The following ST7 variants were observed in gnomAD, a reference collection of about 807,000 sequenced individuals.
ST7 encodes the protein suppression of tumorigenicity 7, also known as suppressor of tumorigenicity 7 protein.
A neutral mutation model predicts 78.7 loss-of-function variants in ST7; 28 were observed. That is an observed-to-expected ratio of 0.36 (90% CI 0.26 to 0.49). The LOEUF (loss-of-function observed/expected upper bound fraction) is 0.49, where lower values mean the gene tolerates loss of function less well. ST7 is among the 20% of genes least tolerant of loss of function. The pLI, the probability that ST7 is intolerant of heterozygous loss-of-function variation, is 0.99. For synonymous variants in ST7, 247 were observed against 249.6 expected, an observed-to-expected ratio of 0.99 and a Z score of 0.10; for missense variants, 418 against 696.0, an observed-to-expected ratio of 0.60 and a Z score of 4.49.
intron 1 of ST7, among the ~76,000 whole-genome samples, chr7:117,015,266 AACT>A (rs1169097438): frequency 6.6e-6 from 1 of 152,152 alleles, no homozygotes; most frequent in Non-Finnish European, 1.5e-5. Context: ...AATGGACTTA[AACT>A]CCAACCCATA....
chr7:117,139,624 T>A (rs1434643046), intron 9 of ST7, among the ~76,000 whole-genome samples: 1 of 152,142 alleles, frequency 6.6e-6, no homozygotes, highest in Non-Finnish European at 1.5e-5. Context: ...GGCCACTCCA[T>A]TAGGCAACAG....
In ST7 at chr7:117,130,355, A is replaced by T. The variant is rs1054742039; in HGVS notation, c.450-136A>T. On this transcript the variant is annotated intron_variant, in intron 4 of 15. Transcript: ENST00000323984. ...AGGGAGAATAAGATGATTTTTAAAA[A>T]TTTTTTTTATTCATTAGCAAAGCTA... 171 of 507,152 alleles carry T rather than the reference A, an allele frequency of 3.4e-4. 2 individuals are homozygous for T. Among genetic ancestry groups the T allele is most frequent in the East Asian group, 1.1e-3 (34 of 29,724 alleles). The allele number at this position is 507,152 out of a possible 1,614,324, so 31.4% of individuals were successfully genotyped here. A position where few individuals can be genotyped will look rare whatever the true frequency, so the allele number is the denominator to read the frequency against.
intron 1 of ST7, chr7:116,959,865 A>C (rs1006148349): frequency 6.6e-6 from 1 of 152,296 alleles, no homozygotes; most frequent in Non-Finnish European, 1.5e-5. Flanking sequence ...ATGGCTTTAC[A>C]TTCATTAAGT....
intron 1 of ST7, among the ~76,000 whole-genome samples, chr7:117,099,066 C>CAAAAAAAAAAAAAAAAAAAAAA (rs55999217): frequency 1.1e-5 from 1 of 94,604 alleles, no homozygotes; most frequent in Non-Finnish European, 2.0e-5. Context: ...AAAAAAAAAA[C>CAAAAAAAAAAAAAAAAAAAAAA]AAAAAAAAAA....
chr7:117,062,435 T>G (rs1798409596), intron 1 of ST7, among the ~76,000 whole-genome samples: 1 of 152,222 alleles, frequency 6.6e-6, no homozygotes. Context: ...GAGTCAGTAT[T>G]GTTTGATTAA....
chr7:117,168,179 A>G (rs960572671), intron 9 of ST7, among the ~76,000 whole-genome samples: 2 of 152,142 alleles, frequency 1.3e-5, no homozygotes, highest in Non-Finnish European at 2.9e-5. Flanking sequence ...GACACAGTAT[A>G]CTCTGTCCAA....
At chr7:117,019,598 A>T (rs1795779170) in intron 1 of ST7, among the ~76,000 whole-genome samples, 1 of 152,268 alleles carries the variant, frequency 6.6e-6, no homozygotes, top group Admixed American at 6.5e-5. Context: ...ATATATTCCT[A>T]GAGCAGCGTT....
intron 1 of ST7, among the ~76,000 whole-genome samples, chr7:117,080,108 G>A (rs1006952482): frequency 2.7e-5 from 4 of 147,370 alleles, no homozygotes; most frequent in African/African-American, 9.9e-5. Context: ...AGCCTCCCAA[G>A]TAGCTGGGAC....
chr7:117,090,726 G>A (rs898722282), intron 1 of ST7: 4 of 167,004 alleles, frequency 2.4e-5, no homozygotes, highest in African/African-American at 9.7e-5. Flanking sequence ...ACTTACTTAG[G>A]TCTTTCCTCT....
intron 9 of ST7, among the ~76,000 whole-genome samples, chr7:117,159,365 C>T (rs1806949715): frequency 6.6e-6 from 1 of 152,244 alleles, no homozygotes. Flanking sequence ...ATGTTCTTCC[C>T]CATAGGTATT....
intron 1 of ST7, among the ~76,000 whole-genome samples, chr7:117,036,470 T>C (rs1373943143): frequency 6.6e-6 from 1 of 152,240 alleles, no homozygotes; most frequent in East Asian, 1.9e-4. Flanking sequence ...TTTAGCTGAC[T>C]GGGCTTTTAT....
chr7:117,036,191 TA>T (rs1280651100), intron 1 of ST7, among the ~76,000 whole-genome samples: 4 of 152,242 alleles, frequency 2.6e-5, no homozygotes, highest in Admixed American at 6.5e-5. Flanking sequence ...TCCTGTGTTT[TA>T]TTGGAACTCT....
intron 1 of ST7, among the ~76,000 whole-genome samples, chr7:116,991,962 G>T (rs1794452176): frequency 1.3e-5 from 2 of 152,146 alleles, no homozygotes; most frequent in South Asian, 4.1e-4. Flanking sequence ...AAATTTTAAA[G>T]CTCCAAAATG....
chr7:117,178,910 A>G (rs1286268965), intron 10 of ST7, among the ~76,000 whole-genome samples: 1 of 152,176 alleles, frequency 6.6e-6, no homozygotes, highest in Non-Finnish European at 1.5e-5. Flanking sequence ...TCTCCCTAAG[A>G]TGACCTTTTG....
intron 9 of ST7, among the ~76,000 whole-genome samples, chr7:117,143,060 G>A (rs571851791): frequency 6.6e-6 from 1 of 152,278 alleles, no homozygotes; most frequent in Admixed American, 6.5e-5. Context: ...TCCCAGGGCA[G>A]GAAGAGTAAA....
chr7:116,989,196 T>C (rs1178384762), intron 1 of ST7, among the ~76,000 whole-genome samples: 1 of 152,364 alleles, frequency 6.6e-6, no homozygotes, highest in East Asian at 1.9e-4. Flanking sequence ...GTTTTTGGTA[T>C]TGAGTCTGAA....
intron 1 of ST7, chr7:116,956,520 C>T (rs1792501710): frequency 2.1e-6 from 1 of 471,060 alleles, no homozygotes; most frequent in African/African-American, 2.0e-5. Flanking sequence ...ATGGCGCAGG[C>T]CTCCCTTCCT....
Position 116,970,252 on chromosome 7 carries a change from A to G in ST7, c.151+16561A>G, listed in dbSNP as rs962949013. Among the ~76,000 whole-genome samples, 4 of 152,156 alleles carry G rather than the reference A, an allele frequency of 2.6e-5. No homozygotes were observed. In the East Asian group the frequency reaches 5.8e-4, roughly 22 times the overall value. On this transcript the variant is annotated intron_variant, in intron 1 of 15. Coordinates refer to ENST00000323984, the MANE Select transcript of ST7 (RefSeq NM_001369598.1). ...TATTTTGCTTTCTCCAGCAAGTCTT[A>G]ATTTAAAAGTGGGTACAGAAATTAG...
chr7:117,180,558 A>T (rs960072655), intron 10 of ST7, among the ~76,000 whole-genome samples: 9 of 152,226 alleles, frequency 5.9e-5, no homozygotes, highest in Non-Finnish European at 7.3e-5. Context: ...TATAGTTAAA[A>T]AAATAAATAA....
Sources: gnomAD v4.1 joint callset for allele counts (sites outside exome capture counted in the v4.1 genomes callset) on GRCh38, gnomAD v4.1.1 for gene constraint, MANE v1.5 for transcripts, NCBI Gene and HGNC (gene_info 2026-07-23, HGNC 2026-07-21) for gene names.